The following TPCN2 variants were observed in gnomAD, a reference collection of about 807,000 sequenced individuals.
TPCN2 encodes two pore segment channel 2.
A neutral mutation model predicts 111.4 loss-of-function variants in TPCN2; 92 were observed. That is an observed-to-expected ratio of 0.83 (90% CI 0.70 to 0.98). TPCN2 has a LOEUF of 0.98. Among genes scored for constraint, TPCN2 ranks in the 50% least tolerant of loss-of-function variants. TPCN2 has a pLI of 0.00. For synonymous variants in TPCN2, 405 were observed against 414.5 expected (o/e 0.98, Z 0.28); for missense variants, 995 against 980.1 (o/e 1.02, Z -0.20).
In TPCN2 at chr11:69,087,009, C is replaced by T. The variant is rs1176868925; in HGVS notation, c.2086-103C>T. 6.3e-6 allele frequency: 6 copies of T among 946,464 alleles called. No individual in the cohort carries two copies. In the African/African-American group the frequency reaches 9.8e-5, roughly 15 times the overall value. 58.6% of individuals were successfully genotyped at this position (946,464 alleles called of 1,614,324 possible). A position where few individuals can be genotyped will look rare whatever the true frequency, so the allele number is the denominator to read the frequency against. Reference sequence around the variant, plus strand: ...GGTGTCCAGGGTGAATGGCTCAGCCCCCTCAGCGGGTGCCCTGTGGCTGAC... The same window carrying T: ...GGTGTCCAGGGTGAATGGCTCAGCCTCCTCAGCGGGTGCCCTGTGGCTGAC... On this transcript the variant is annotated intron_variant, in intron 23 of 24. Coordinates refer to ENST00000294309, the MANE Select transcript of TPCN2 (RefSeq NM_139075.4).
chr11:69,075,251 G>A (rs114884042), intron 13 of TPCN2, among the ~76,000 whole-genome samples: 77 of 152,312 alleles, frequency 5.1e-4, no homozygotes, highest in African/African-American at 1.7e-3. Flanking sequence ...GCTGACTGTA[G>A]AGGGGAGGCC....
At chr11:69,073,031 A>G (rs955501465) in intron 13 of TPCN2, 30 bp downstream of exon 13, 1 of 1,545,888 alleles carries the variant, frequency 6.5e-7, no homozygotes. Flanking sequence ...CCCAGGGTGG[A>G]TAGTGGGGGC....
intron 7 of TPCN2, among the ~76,000 whole-genome samples, chr11:69,066,568 C>T (rs61887953): frequency 5.3e-5 from 8 of 152,222 alleles, no homozygotes; most frequent in African/African-American, 1.7e-4. Flanking sequence ...GCTATTGATG[C>T]GGCTGTGAGG....
In TPCN2 at chr11:69,084,631, G is replaced by A. The variant is rs553639217; in HGVS notation, c.1762-579G>A. The A allele has an allele frequency of 1.4e-5, 14 of 985,454 alleles. No homozygotes were observed. In the African/African-American group the frequency reaches 1.7e-4, roughly 12 times the overall value. 61.0% of individuals were successfully genotyped at this position (985,454 alleles called of 1,614,324 possible). A position where few individuals can be genotyped will look rare whatever the true frequency, so the allele number is the denominator to read the frequency against. On this transcript the variant is annotated intron_variant, in intron 19 of 24. Transcript: ENST00000294309. ...AGGAGGCGCCCTTTGCAGGAAGCCCGGCCACACTTCAGGCAGTTTTGCCAT... is the reference window on the plus strand; with the variant it reads ...AGGAGGCGCCCTTTGCAGGAAGCCCAGCCACACTTCAGGCAGTTTTGCCAT...
rs1381977754 is a variant in TPCN2, at chr11:69,067,664, G to A, written c.829+59G>A. On this transcript the variant is annotated intron_variant, in intron 8 of 24. Coordinates refer to ENST00000294309, the MANE Select transcript of TPCN2 (RefSeq NM_139075.4). ...CGGTGAGCCCAGCACTGGGGGGCCGGTTTGGGCTGCTGAGCCTTAGAACCC... is the reference window on the plus strand; with the variant it reads ...CGGTGAGCCCAGCACTGGGGGGCCGATTTGGGCTGCTGAGCCTTAGAACCC... 4 of 1,543,188 alleles carry A rather than the reference G, an allele frequency of 2.6e-6. No individual in the cohort carries two copies. In the Admixed American group the frequency reaches 6.8e-5, roughly 26 times the overall value.
At chr11:69,053,211 C>T (rs576901269) in intron 1 of TPCN2, among the ~76,000 whole-genome samples, 14 of 152,332 alleles carry the variant, frequency 9.2e-5, no homozygotes, top group Admixed American at 7.2e-4. Context: ...CCAGGCCTGC[C>T]GGGAGGCTCC....
intron 5 of TPCN2, among the ~76,000 whole-genome samples, chr11:69,058,975 C>G (rs1363950117): frequency 1.3e-5 from 2 of 152,210 alleles, no homozygotes; most frequent in East Asian, 3.9e-4. Flanking sequence ...AGACACAGGT[C>G]TACGTTACAA....
At chr11:69,081,331 G>A (rs1041311733) in intron 17 of TPCN2, 69 bp from the exon 18 acceptor site, 8 of 1,073,056 alleles carry the variant, frequency 7.5e-6, no homozygotes, top group Middle Eastern at 2.6e-4. Flanking sequence ...AGGAACCCGC[G>A]CGTTTCCTTG....
chr11:69,071,393 C>A lies in TPCN2; in HGVS notation c.933C>A (p.Ile311=). 1.2e-6 allele frequency: 2 copies of A among 1,613,928 alleles called. No individual in the cohort carries two copies. The highest frequency in any genetic ancestry group is 1.7e-6 in the Non-Finnish European group (2 of 1,179,928). The change falls in exon 10 of 25, where the codon ATC becomes ATA. Residue 311 remains isoleucine (I), a synonymous_variant. Coordinates refer to ENST00000294309, the MANE Select transcript of TPCN2 (RefSeq NM_139075.4). ...TGATGAACCTGCTGACAGCCATCAT[C>A]TACAGTCAGTTCCGGGGCTACCTGA... ...LFLMNLLTAI[I]YSQFRGYLMK... is the part of the protein sequence containing the mutation.
At chr11:69,071,276 C>A in intron 9 of TPCN2, 80 bp from the exon 10 acceptor site, 2 of 1,140,644 alleles carry the variant, frequency 1.8e-6, no homozygotes, top group South Asian at 1.3e-5. Flanking sequence ...CGGCGCTGTG[C>A]TATCCTGTGC....
chr11:69,084,112 C>A, intron 19 of TPCN2, 96 bp downstream of exon 19: 1 of 1,284,794 alleles, frequency 7.8e-7, no homozygotes. Context: ...ACTGCTCTGT[C>A]GGTAGGAAGG....
chr11:69,051,219 C>A (rs1469675725), intron 1 of TPCN2, among the ~76,000 whole-genome samples: 1 of 152,238 alleles, frequency 6.6e-6, no homozygotes, highest in East Asian at 1.9e-4. Context: ...CTTGGCCCCA[C>A]CTGATGGGGC....
rs1453312541 is a variant in TPCN2 at position 69,081,493 on chromosome 11, C to T, written c.1683C>T (p.Ser561=). Residue 561 remains serine (S), a synonymous_variant, in exon 18 of 25, where the codon AGC becomes AGT. Coordinates refer to ENST00000294309, the MANE Select transcript of TPCN2 (RefSeq NM_139075.4). ...TCCGCTTCCTGCGTATCATCCCCAG[C>T]ATGAAGGTGTGTGCCGGCCCCACCC... The part of the protein sequence containing the change: ...IVFRFLRIIP[S]MKLMAVVAST... 1 of 1,564,400 alleles carries T rather than the reference C, an allele frequency of 6.4e-7. No homozygotes were observed. Among genetic ancestry groups the T allele is most frequent in the African/African-American group, 1.4e-5 (1 of 73,888 alleles).
intron 16 of TPCN2, chr11:69,079,467 C>T (rs373818305): frequency 2.7e-5 from 8 of 292,248 alleles, no homozygotes; most frequent in South Asian, 1.9e-4. Flanking sequence ...GCATGCCACA[C>T]TTGGTGTGTG....
At chr11:69,072,455 C>T (rs3750961) in intron 11 of TPCN2, among the ~76,000 whole-genome samples, 172 bp from the exon 12 acceptor site, 3,976 of 152,032 alleles carry the variant, frequency 0.026, 381 homozygotes, top group East Asian at 0.21. Flanking sequence ...TGCGCCTTCT[C>T]GGGGGGACGG....
chr11:69,072,570 G>A, intron 11 of TPCN2, 57 bp from the exon 12 acceptor site: 1 of 1,582,864 alleles, frequency 6.3e-7, no homozygotes, highest in South Asian at 1.1e-5. Flanking sequence ...ACCCAGGCCA[G>A]GGTTCCAAGG....
Position 69,087,287 on chromosome 11 carries a change from C to T in TPCN2, c.2180+81C>T, listed in dbSNP as rs537470568. On this transcript the variant is annotated intron_variant, in intron 24 of 24. Transcript: ENST00000294309. ...CTGGGGGGTGGAGGGGTTGAGGCGGCGGGCAGGCCCTGATGACTGTCCTCC... is the reference window on the plus strand; with the variant it reads ...CTGGGGGGTGGAGGGGTTGAGGCGGTGGGCAGGCCCTGATGACTGTCCTCC... 3.8e-4 allele frequency: 470 copies of T among 1,241,574 alleles called. 2 individuals carry two copies. In the African/African-American group the frequency reaches 4.8e-3, roughly 13 times the overall value. 76.9% of individuals were successfully genotyped at this position (1,241,574 alleles called of 1,614,324 possible).
At chr11:69,062,446 G>A (rs1855064435) in intron 5 of TPCN2, among the ~76,000 whole-genome samples, 1 of 152,030 alleles carries the variant, frequency 6.6e-6, no homozygotes, top group Non-Finnish European at 1.5e-5. Context: ...AAGGCTTGGA[G>A]ATGGGGACAC....
At chr11:69,083,148 A>G (rs1856118165) in intron 18 of TPCN2, 1 of 152,880 alleles carries the variant, frequency 6.5e-6, no homozygotes, top group South Asian at 2.1e-4. Context: ...ACACATCCAC[A>G]GTAAGGCCTC....
Sources: gnomAD v4.1 joint callset for allele counts (sites outside exome capture counted in the v4.1 genomes callset) on GRCh38, gnomAD v4.1.1 for gene constraint, MANE v1.5 for transcripts, NCBI Gene and HGNC (gene_info 2026-07-23, HGNC 2026-07-21) for gene names.